Variants in TRDN observed in about 807,000 individuals in gnomAD.
TRDN encodes the protein triadin.
A neutral mutation model predicts 149.7 loss-of-function variants in TRDN; 161 were observed. The ratio of observed to expected loss-of-function variants is 1.08; its 90% CI spans 0.95 to 1.23. The LOEUF is 1.23. Ranked by LOEUF, TRDN falls within the 50% of genes most tolerant of loss-of-function variation. The pLI is 0.00. For missense variants in TRDN, 896 were observed against 823.5 expected (o/e 1.09, Z -1.08); for synonymous variants, 294 against 250.5 (o/e 1.17, Z -1.64).
chr6:123,274,499 G>A (rs1179197023), intron 27 of TRDN, 142 bp downstream of exon 27: 3 of 636,680 alleles, frequency 4.7e-6, no homozygotes, highest in East Asian at 3.0e-5. Flanking sequence ...ATAAAATCAT[G>A]TTGAGCAATG....
chr6:123,263,281 C>T (rs1181030117), intron 33 of TRDN, among the ~76,000 whole-genome samples: 1 of 152,016 alleles, frequency 6.6e-6, no homozygotes, highest in Non-Finnish European at 1.5e-5. Flanking sequence ...ACCTAATCTA[C>T]AGCAAGGCCC....
intron 21 of TRDN, among the ~76,000 whole-genome samples, 179 bp from the exon 22 acceptor site, chr6:123,337,848 A>G (rs1779931108): frequency 6.6e-6 from 1 of 152,182 alleles, no homozygotes; most frequent in Admixed American, 6.6e-5. Context: ...ATATGTAAAC[A>G]ATAGAAAATA....
intron 24 of TRDN, among the ~76,000 whole-genome samples, chr6:123,290,444 T>G (rs1217316924): frequency 6.6e-6 from 1 of 152,150 alleles, no homozygotes. Flanking sequence ...GAAGAGAATA[T>G]TATGTCTTCT....
chr6:123,472,555 A>T (rs1777228631), intron 9 of TRDN, among the ~76,000 whole-genome samples: 1 of 152,224 alleles, frequency 6.6e-6, no homozygotes, highest in Admixed American at 6.5e-5. Context: ...AGCAGCCGGG[A>T]AGCTCGAACT....
intron 9 of TRDN, among the ~76,000 whole-genome samples, chr6:123,472,890 G>A (rs1562333249): frequency 6.6e-6 from 1 of 152,144 alleles, no homozygotes; most frequent in Non-Finnish European, 1.5e-5. Flanking sequence ...GGTCCTGTCT[G>A]TTAGAAGGAA....
Position 123,624,730 on chromosome 6 carries a change from A to AT in TRDN, c.22+12023dup, listed in dbSNP as rs530821221. Reference sequence around the variant, plus strand: ...AATGATTACCTTTCTGACAGTTGGTATTTTTTTTTATTTCTTCATGAACTG... The same window carrying AT: ...AATGATTACCTTTCTGACAGTTGGTATTTTTTTTTTATTTCTTCATGAACTG... On this transcript the variant is annotated intron_variant, in intron 1 of 40. Coordinates refer to ENST00000334268, the MANE Select transcript of TRDN (RefSeq NM_006073.4). 1.1e-3 allele frequency among the ~76,000 whole-genome samples: 170 copies of AT among 151,542 alleles called. 2 individuals are homozygous for AT. The highest frequency in any genetic ancestry group is 3.6e-3 in the African/African-American group (149 of 41,364).
intron 7 of TRDN, among the ~76,000 whole-genome samples, chr6:123,510,432 A>C (rs1382140373): frequency 6.6e-6 from 1 of 152,098 alleles, no homozygotes; most frequent in Non-Finnish European, 1.5e-5. Context: ...AGAAATTTAA[A>C]TGTAGGGAAT....
At chr6:123,345,759 T>C (rs756588120) in intron 21 of TRDN, among the ~76,000 whole-genome samples, 8 of 152,056 alleles carry the variant, frequency 5.3e-5, no homozygotes, top group Non-Finnish European at 1.0e-4. Flanking sequence ...CAACAGGTCT[T>C]ATACATAATT....
chr6:123,257,527 G>A (rs972618336), intron 35 of TRDN, among the ~76,000 whole-genome samples: 21 of 152,202 alleles, frequency 1.4e-4, no homozygotes, highest in African/African-American at 4.8e-4. Flanking sequence ...CCAGTACCAT[G>A]CTGTTTTGGT....
chr6:123,409,679 A>G (rs1016305102), intron 12 of TRDN, among the ~76,000 whole-genome samples: 10 of 133,302 alleles, frequency 7.5e-5, no homozygotes, highest in African/African-American at 2.3e-4. Flanking sequence ...GTTAAAACAG[A>G]TAATGTAATT....
intron 9 of TRDN, among the ~76,000 whole-genome samples, chr6:123,472,012 A>C (rs1303895452): frequency 6.6e-6 from 1 of 152,228 alleles, no homozygotes; most frequent in African/African-American, 2.4e-5. Flanking sequence ...AGATAGACAA[A>C]AAATGGTCTC....
intron 1 of TRDN, among the ~76,000 whole-genome samples, chr6:123,599,805 A>C (rs1253967069): frequency 1.3e-5 from 2 of 151,622 alleles, no homozygotes; most frequent in Non-Finnish European, 2.9e-5. Flanking sequence ...ACATCCTCAC[A>C]CTTTTAAATA....
At chr6:123,255,687 C>T (rs531696738) in intron 36 of TRDN, among the ~76,000 whole-genome samples, 180 bp downstream of exon 36, 5 of 152,012 alleles carry the variant, frequency 3.3e-5, no homozygotes, top group Admixed American at 2.0e-4. Context: ...TTGACACTGC[C>T]GTTACTACAC....
At chr6:123,536,224 T>C (rs1164367322) in intron 4 of TRDN, among the ~76,000 whole-genome samples, 4 of 152,168 alleles carry the variant, frequency 2.6e-5, no homozygotes, top group African/African-American at 9.7e-5. Context: ...AGGGCAAGAA[T>C]TATGTCTATT....
intron 12 of TRDN, among the ~76,000 whole-genome samples, chr6:123,436,162 A>G (rs1209731022): frequency 6.6e-6 from 1 of 152,138 alleles, no homozygotes; most frequent in Non-Finnish European, 1.5e-5. Context: ...AGGAAGAAGT[A>G]TCTTGGTTTA....
chr6:123,579,134 C>G (rs138107291), intron 1 of TRDN, among the ~76,000 whole-genome samples: 2 of 152,060 alleles, frequency 1.3e-5, no homozygotes, highest in East Asian at 1.9e-4. Context: ...ATTTGGATGC[C>G]CTTTATTTCT....
At chr6:123,331,143 A>C (rs1779646079) in intron 23 of TRDN, among the ~76,000 whole-genome samples, 2 of 152,212 alleles carry the variant, frequency 1.3e-5, no homozygotes, top group African/African-American at 4.8e-5. Context: ...GCACAATGCC[A>C]TGTCCACAGA....
chr6:123,459,615 A>G (rs910795423), intron 10 of TRDN, among the ~76,000 whole-genome samples: 2 of 152,264 alleles, frequency 1.3e-5, no homozygotes, highest in African/African-American at 4.8e-5. Flanking sequence ...TAAAAGTACT[A>G]TATTCATTAA....
chr6:123,221,544 A>G, intron 39 of TRDN, 22 bp from the exon 40 acceptor site: 1 of 1,513,054 alleles, frequency 6.6e-7, no homozygotes, highest in Non-Finnish European at 9.1e-7. Flanking sequence ...AAAATATAAA[A>G]GTAAATAACT....
Sources: allele counts gnomAD v4.1 joint callset (sites outside exome capture counted in the v4.1 genomes callset), GRCh38; gene constraint gnomAD v4.1.1; transcripts MANE v1.5; gene names NCBI Gene and HGNC (gene_info 2026-07-23, HGNC 2026-07-21).